ADAMTS2: variants seen among roughly 807,000 people sequenced by gnomAD.
ADAMTS2 encodes the protein A disintegrin and metalloproteinase with thrombospondin motifs 2.
In ADAMTS2, 50 loss-of-function variants were observed where a neutral mutation model predicts 123.0. The ratio of observed to expected loss-of-function variants is 0.41; its 90% CI spans 0.32 to 0.51. The LOEUF (loss-of-function observed/expected upper bound fraction) is 0.51, where lower values mean the gene tolerates loss of function less well. Among genes scored for constraint, ADAMTS2 ranks in the 20% least tolerant of loss-of-function variants. The pLI is 0.35. For missense variants in ADAMTS2, 1,494 were observed against 1,705.2 expected (o/e 0.88, Z 2.18); for synonymous variants, 678 against 695.4 (o/e 0.98, Z 0.39).
rs1050467503 is a variant in ADAMTS2 at position 179,117,411 on chromosome 5, C to T, written c.3179-3087G>A. On this transcript the variant is annotated intron_variant, in intron 21 of 21. Transcript: ENST00000251582. This position sits in a 1 kb window ranked among gnomAD's most constrained non-coding sequence, Gnocchi z 4.2. ...CCACATCTCCACTCCCTCACTGTCT[C>T]CCCCACCAGGCTGGGATCCCTGAAA... Among the ~76,000 whole-genome samples, 5 of 152,202 alleles carry T rather than the reference C, an allele frequency of 3.3e-5. No homozygotes were observed. Among genetic ancestry groups the T allele is most frequent in the African/African-American group, 1.2e-4 (5 of 41,452 alleles).
chr5:179,306,346 G>C (rs1317004386), intron 2 of ADAMTS2, among the ~76,000 whole-genome samples: 2 of 152,088 alleles, frequency 1.3e-5, no homozygotes, highest in African/African-American at 4.8e-5. Context: ...CATATTAACA[G>C]ACTGAAGAAG....
chr5:179,140,348 C>T (rs1763142457), intron 10 of ADAMTS2, among the ~76,000 whole-genome samples: 1 of 152,392 alleles, frequency 6.6e-6, no homozygotes, highest in Non-Finnish European at 1.5e-5. Flanking sequence ...TAGATGCCTC[C>T]TGGGTGCCCA....
rs577116462 is a variant in ADAMTS2 at position 179,198,562 on chromosome 5, A to G, written c.891+8951T>C. ...TCAAACTCCAGTGTAGGCCGGGAGCAGTGGCTCATGCCTGTGATCCCAGCA... is the reference window on the plus strand; with the variant it reads ...TCAAACTCCAGTGTAGGCCGGGAGCGGTGGCTCATGCCTGTGATCCCAGCA... On this transcript the variant is annotated intron_variant, in intron 4 of 21. Transcript: ENST00000251582. Among the ~76,000 whole-genome samples, 7 of 152,320 alleles carry G rather than the reference A, an allele frequency of 4.6e-5. No homozygotes were observed. In the East Asian group the frequency reaches 1.4e-3, roughly 30 times the overall value.
At position 179,112,219 on chromosome 5, in the gene ADAMTS2, C is replaced by T. The variant is rs1473531542; in HGVS notation, c.*1648G>A. On this transcript the variant is annotated 3_prime_UTR_variant, in exon 22 of 22. Coordinates refer to ENST00000251582, the MANE Select transcript of ADAMTS2 (RefSeq NM_014244.5). ...CATATAATGGGGAAATACACATGAA[C>T]AAATTCTCGAAGAGGATTGGTGAGA... 1 of 152,218 alleles carries T rather than the reference C, an allele frequency of 6.6e-6. No individual in the cohort carries two copies. The highest frequency in any genetic ancestry group is 1.5e-5 in the Non-Finnish European group (1 of 68,044). 9.4% of individuals were successfully genotyped at this position (152,218 alleles called of 1,614,324 possible).
intron 3 of ADAMTS2, among the ~76,000 whole-genome samples, chr5:179,252,428 T>C (rs893804719): frequency 2.0e-5 from 3 of 152,244 alleles, no homozygotes; most frequent in Admixed American, 6.5e-5. Flanking sequence ...TTTAGACCTT[T>C]TTCTTTTCTA....
At chr5:179,124,896 C>T in intron 19 of ADAMTS2, 77 bp downstream of exon 19, 1 of 1,594,114 alleles carries the variant, frequency 6.3e-7, no homozygotes. Context: ...CGGCTGAATG[C>T]AGCGCACGGA....
chr5:179,208,470 G>A (rs568645626), intron 3 of ADAMTS2, among the ~76,000 whole-genome samples: 82 of 152,302 alleles, frequency 5.4e-4, no homozygotes, highest in African/African-American at 1.1e-3. Context: ...CGCTGCAGTC[G>A]GCCCTGGGCA....
chr5:179,295,109 G>C lies in ADAMTS2; in HGVS notation c.535-22045C>G, dbSNP rs538574331. Among the ~76,000 whole-genome samples, 201 of 152,356 alleles carry C rather than the reference G, an allele frequency of 1.3e-3. 2 individuals carry two copies. The highest frequency in any genetic ancestry group is 4.6e-3 in the African/African-American group (190 of 41,582). On this transcript the variant is annotated intron_variant, in intron 2 of 21. Transcript: ENST00000251582. ...TTTGTCTGTCATCCTCAGAGCCTGA[G>C]AGCATCTGGCACCAGGCCTGGCTGA...
In ADAMTS2 at chr5:179,303,001, G is replaced by A. The variant is rs993689043; in HGVS notation, c.535-29937C>T. Among the ~76,000 whole-genome samples the A allele has an allele frequency of 6.6e-6, 1 of 150,554 alleles. No homozygotes were observed. The highest frequency in any genetic ancestry group is 2.5e-5 in the African/African-American group (1 of 40,810). On this transcript the variant is annotated intron_variant, in intron 2 of 21. Transcript: ENST00000251582. This position sits in a 1 kb window ranked among gnomAD's most constrained non-coding sequence, Gnocchi z 4.7. ...CAGGAGGGCAGAGTGGTGGGCCTGGGTGGGGTACAGGAGGTCAGAGTGGTG... is the reference window on the plus strand; with the variant it reads ...CAGGAGGGCAGAGTGGTGGGCCTGGATGGGGTACAGGAGGTCAGAGTGGTG...
intron 5 of ADAMTS2, among the ~76,000 whole-genome samples, chr5:179,176,723 C>G (rs1237429685): frequency 6.6e-6 from 1 of 152,228 alleles, no homozygotes; most frequent in Non-Finnish European, 1.5e-5. Flanking sequence ...TAGAAATGCA[C>G]ATGGGATCGT....
chr5:179,140,896 T>G (rs1205829664), intron 10 of ADAMTS2, among the ~76,000 whole-genome samples: 1 of 146,246 alleles, frequency 6.8e-6, no homozygotes, highest in Non-Finnish European at 1.5e-5. Flanking sequence ...GCCTCCTGGG[T>G]TCAAGCGATT....
Position 179,223,500 on chromosome 5 carries a change from G to A in ADAMTS2, c.689-15785C>T, listed in dbSNP as rs190976940. 9.5e-3 allele frequency among the ~76,000 whole-genome samples: 936 copies of A among 98,836 alleles called. 9 individuals are homozygous for A. Among genetic ancestry groups the A allele is most frequent in the African/African-American group, 0.031 (885 of 28,124 alleles). The allele number at this position is 98,836 out of a possible 152,430, so 64.8% of individuals were successfully genotyped here. A position where few individuals can be genotyped will look rare whatever the true frequency, so the allele number is the denominator to read the frequency against. Reference sequence around the variant, plus strand: ...CACACAAATGGACTCACACTCACATGCACACTCATACGAATGCACTCACAC... The same window carrying A: ...CACACAAATGGACTCACACTCACATACACACTCATACGAATGCACTCACAC... On this transcript the variant is annotated intron_variant, in intron 3 of 21. Coordinates refer to ENST00000251582, the MANE Select transcript of ADAMTS2 (RefSeq NM_014244.5).
At chr5:179,337,651 C>T (rs573124754) in intron 2 of ADAMTS2, among the ~76,000 whole-genome samples, 2 of 152,358 alleles carry the variant, frequency 1.3e-5, no homozygotes, top group East Asian at 3.9e-4. Context: ...ACCCAGGGTC[C>T]CAGGAGGGCT....
At chr5:179,190,445 G>A (rs538539015) in intron 4 of ADAMTS2, among the ~76,000 whole-genome samples, 59 of 147,236 alleles carry the variant, frequency 4.0e-4, no homozygotes, top group Non-Finnish European at 4.9e-4. Flanking sequence ...AAGACACAGC[G>A]TCCGAATAAA....
At chr5:179,169,427 C>G (rs770645999) in intron 5 of ADAMTS2, among the ~76,000 whole-genome samples, 1 of 152,228 alleles carries the variant, frequency 6.6e-6, no homozygotes, top group Non-Finnish European at 1.5e-5. Context: ...GACTAAGGCA[C>G]CTCCCAAGGG....
At chr5:179,160,064 T>G (rs1480296737) in intron 5 of ADAMTS2, among the ~76,000 whole-genome samples, 1 of 152,198 alleles carries the variant, frequency 6.6e-6, no homozygotes, top group Non-Finnish European at 1.5e-5. Context: ...GGCCATAAAA[T>G]AGAGATGTGC....
rs1756870450 is a variant in ADAMTS2, at chr5:179,312,832, T to C, written c.534+30935A>G. ...CTGCCGCCACCTGCGTTTTGCCCTG[T>C]TGAAACTGATTTCAGCCTCCAGAAC... On this transcript the variant is annotated intron_variant, in intron 2 of 21. Transcript: ENST00000251582. The surrounding 1 kb of genome is among the most constrained non-coding windows in gnomAD (Gnocchi z 4.2). Among the ~76,000 whole-genome samples, 1 of 152,178 alleles carries C rather than the reference T, an allele frequency of 6.6e-6. No homozygotes were observed. Among genetic ancestry groups the C allele is most frequent in the African/African-American group, 2.4e-5 (1 of 41,446 alleles).
intron 10 of ADAMTS2, among the ~76,000 whole-genome samples, chr5:179,144,304 C>G (rs1763219046): frequency 6.6e-6 from 1 of 152,198 alleles, no homozygotes; most frequent in South Asian, 2.1e-4. Flanking sequence ...AATGGAAAGA[C>G]ATCTCAATGT....
chr5:179,251,532 C>T (rs932556703), intron 3 of ADAMTS2, among the ~76,000 whole-genome samples: 3 of 152,078 alleles, frequency 2.0e-5, no homozygotes, highest in Non-Finnish European at 2.9e-5. Flanking sequence ...CAAGAATTGG[C>T]CTTCTGGGGT....
Sources: gnomAD v4.1 joint callset for allele counts (sites outside exome capture counted in the v4.1 genomes callset) on GRCh38, gnomAD v4.1.1 for gene constraint, Gnocchi (gnomAD v3.1) non-coding constraint, MANE v1.5 for transcripts, NCBI Gene and HGNC (gene_info 2026-07-23, HGNC 2026-07-21) for gene names.